Variants in CADM2 observed in about 807,000 individuals in gnomAD.
CADM2 encodes the protein immunoglobulin superfamily member 4D.
Under a neutral mutation model 49.8 loss-of-function variants are expected in CADM2, and 12 were observed. The observed-to-expected ratio is 0.24, with a 90% CI of 0.15 to 0.39. CADM2 has a LOEUF of 0.39. Ranked by LOEUF, CADM2 falls within the 10% of genes least tolerant of loss-of-function variation. The probability of loss-of-function intolerance (pLI) is 1.00; values close to 1 mark genes in which losing one functional copy is unlikely to be tolerated. For synonymous variants in CADM2, 214 were observed against 175.4 expected, an observed-to-expected ratio of 1.22 and a Z score of -1.74; for missense variants, 378 against 492.3, an observed-to-expected ratio of 0.77 and a Z score of 2.20.
At position 85,108,268 on chromosome 3, in the gene CADM2, G is replaced by C. The variant is rs531597194; in HGVS notation, c.61+148600G>C. On this transcript the variant is annotated intron_variant, in intron 1 of 9. Transcript: ENST00000383699. ...AGGTATTTGTACAGTCATGTTTCTA[G>C]CAGCATTATTTACAATAGCCAATAG... is the stretch of plus-strand genomic sequence containing the variant. 2.6e-5 allele frequency among the ~76,000 whole-genome samples: 4 copies of C among 152,176 alleles called. No individual in the cohort carries two copies. In the East Asian group the frequency reaches 7.7e-4, roughly 29 times the overall value.
intron 1 of CADM2, among the ~76,000 whole-genome samples, chr3:85,241,338 C>A (rs2042525312): frequency 6.6e-6 from 1 of 151,456 alleles, no homozygotes; most frequent in Admixed American, 6.6e-5. Flanking sequence ...AATTTCAGAG[C>A]ATGTTCTGGC....
At chr3:85,285,798 A>G (rs1268735938) in intron 1 of CADM2, among the ~76,000 whole-genome samples, 1 of 151,396 alleles carries the variant, frequency 6.6e-6, no homozygotes, top group African/African-American at 2.4e-5. Context: ...AATCTAATAT[A>G]TTTCTAAAAT....
chr3:85,139,806 C>G (rs1254282353), intron 1 of CADM2, among the ~76,000 whole-genome samples: 1 of 151,980 alleles, frequency 6.6e-6, no homozygotes, highest in Admixed American at 6.6e-5. Flanking sequence ...GCTCAATATT[C>G]CCTCTGAAAT....
intron 1 of CADM2, among the ~76,000 whole-genome samples, chr3:85,666,621 G>A (rs1180085148): frequency 6.6e-6 from 1 of 151,926 alleles, no homozygotes; most frequent in Non-Finnish European, 1.5e-5. Flanking sequence ...GAATAAAAGG[G>A]TATGACCTAA....
intron 1 of CADM2, among the ~76,000 whole-genome samples, chr3:85,481,120 G>C (rs1377912493): frequency 6.6e-6 from 1 of 150,916 alleles, no homozygotes; most frequent in East Asian, 1.9e-4. Flanking sequence ...TCAATTATCA[G>C]TTTAGTATAT....
intron 1 of CADM2, among the ~76,000 whole-genome samples, chr3:85,467,757 C>T (rs1018829020): frequency 6.6e-6 from 1 of 152,124 alleles, no homozygotes; most frequent in South Asian, 2.1e-4. Context: ...CACACATACA[C>T]CATTTTATCT....
At chr3:85,516,525 C>T (rs11928145) in intron 1 of CADM2, among the ~76,000 whole-genome samples, 88 of 152,200 alleles carry the variant, frequency 5.8e-4, no homozygotes, top group African/African-American at 2.0e-3. Flanking sequence ...CAATATCATA[C>T]TCTTTTCAAT....
intron 1 of CADM2, among the ~76,000 whole-genome samples, chr3:85,221,458 A>G (rs1423864371): frequency 1.3e-5 from 2 of 152,124 alleles, no homozygotes; most frequent in African/African-American, 4.8e-5. Flanking sequence ...CACACCATCT[A>G]ATTTCTTGTT....
At chr3:85,558,469 TG>T (rs2062015320) in intron 1 of CADM2, among the ~76,000 whole-genome samples, 1 of 152,004 alleles carries the variant, frequency 6.6e-6, no homozygotes, top group African/African-American at 2.4e-5. Flanking sequence ...GTTAATATGA[TG>T]ATATTTTTAT....
chr3:85,506,926 A>C (rs1026154136), intron 1 of CADM2, among the ~76,000 whole-genome samples: 1 of 152,216 alleles, frequency 6.6e-6, no homozygotes, highest in Non-Finnish European at 1.5e-5. Flanking sequence ...CCCAAAAATA[A>C]ATATTCTAAC....
intron 8 of CADM2, 64 bp downstream of exon 8, chr3:85,961,711 T>A: frequency 8.0e-7 from 1 of 1,256,788 alleles, no homozygotes; most frequent in Non-Finnish European, 1.1e-6. Flanking sequence ...TATTTAAATA[T>A]ATCAGAATTT....
At chr3:84,988,184 A>G (rs2032689948) in intron 1 of CADM2, among the ~76,000 whole-genome samples, 1 of 150,860 alleles carries the variant, frequency 6.6e-6, no homozygotes, top group Non-Finnish European at 1.5e-5. Flanking sequence ...GGAAACAAAG[A>G]GAGAGGGAGA....
At chr3:85,954,789 A>C (rs954126425) in intron 7 of CADM2, among the ~76,000 whole-genome samples, 1 of 151,236 alleles carries the variant, frequency 6.6e-6, no homozygotes, top group African/African-American at 2.4e-5. Flanking sequence ...AAAATATGAT[A>C]ACATAAATAT....
chr3:85,404,810 C>T (rs2035294911), intron 1 of CADM2, among the ~76,000 whole-genome samples: 1 of 152,022 alleles, frequency 6.6e-6, no homozygotes, highest in Non-Finnish European at 1.5e-5. Context: ...TGTTTGCTTA[C>T]TTTGAATAGC....
intron 8 of CADM2, among the ~76,000 whole-genome samples, chr3:86,005,869 A>G (rs1730728536): frequency 6.6e-6 from 1 of 152,088 alleles, no homozygotes; most frequent in Non-Finnish European, 1.5e-5. Context: ...ACCCCCCGAC[A>G]GGACCCTTCC....
At chr3:85,530,167 T>A (rs2061265962) in intron 1 of CADM2, among the ~76,000 whole-genome samples, 2 of 152,046 alleles carry the variant, frequency 1.3e-5, no homozygotes, top group South Asian at 4.1e-4. Flanking sequence ...TATAAAAGTG[T>A]CTGACAGTTC....
chr3:85,364,941 A>G (rs1316356363), intron 1 of CADM2, among the ~76,000 whole-genome samples: 1 of 152,186 alleles, frequency 6.6e-6, no homozygotes, highest in Non-Finnish European at 1.5e-5. Context: ...AATAAGTTTA[A>G]GATTCTATAG....
At chr3:86,004,334 A>C (rs748864467) in intron 8 of CADM2, among the ~76,000 whole-genome samples, 6 of 152,198 alleles carry the variant, frequency 3.9e-5, no homozygotes, top group Non-Finnish European at 8.8e-5. Context: ...GGTGCAATCT[A>C]ATGTTAAAAC....
intron 1 of CADM2, among the ~76,000 whole-genome samples, chr3:85,584,747 G>T (rs1266033084): frequency 6.6e-6 from 1 of 152,024 alleles, no homozygotes; most frequent in Non-Finnish European, 1.5e-5. Flanking sequence ...GAGACAGATT[G>T]GCTCTGCTTG....
Sources: gnomAD v4.1 joint callset for allele counts (sites outside exome capture counted in the v4.1 genomes callset) on GRCh38, gnomAD v4.1.1 for gene constraint, MANE v1.5 for transcripts, NCBI Gene and HGNC (gene_info 2026-07-23, HGNC 2026-07-21) for gene names.